The following ARHGAP42 variants were observed in gnomAD, a reference collection of about 807,000 sequenced individuals.
ARHGAP42 encodes the protein rho GTPase-activating protein 42.
A neutral mutation model predicts 125.0 loss-of-function variants in ARHGAP42; 63 were observed. The ratio of observed to expected loss-of-function variants is 0.50; its 90% CI spans 0.41 to 0.62. ARHGAP42 has a LOEUF of 0.62. ARHGAP42 is among the 20% of genes least tolerant of loss of function. The probability of loss-of-function intolerance (pLI) is 0.00; values close to 1 mark genes in which losing one functional copy is unlikely to be tolerated. For missense variants in ARHGAP42, 766 were observed against 1,024.2 expected (o/e 0.75, Z 3.44); for synonymous variants, 339 against 351.0 (o/e 0.97, Z 0.38).
At chr11:100,800,009 G>A (rs747096535) in intron 3 of ARHGAP42, among the ~76,000 whole-genome samples, 9 of 152,194 alleles carry the variant, frequency 5.9e-5, no homozygotes, top group Admixed American at 5.9e-4. Flanking sequence ...TTATTCAAAA[G>A]AGAAGTAAGG....
At chr11:100,984,643 G>A (rs1691584357) in intron 22 of ARHGAP42, among the ~76,000 whole-genome samples, 1 of 151,796 alleles carries the variant, frequency 6.6e-6, no homozygotes, top group African/African-American at 2.4e-5. Context: ...TGCATTAGAC[G>A]GCATTTAGAA....
intron 3 of ARHGAP42, among the ~76,000 whole-genome samples, chr11:100,832,633 C>T (rs1230921398): frequency 6.6e-6 from 1 of 152,134 alleles, no homozygotes; most frequent in African/African-American, 2.4e-5. Flanking sequence ...AAATGTCAGA[C>T]AAACTTACAG....
At chr11:100,779,068 C>G (rs1216971372) in intron 2 of ARHGAP42, among the ~76,000 whole-genome samples, 1 of 152,038 alleles carries the variant, frequency 6.6e-6, no homozygotes, top group Non-Finnish European at 1.5e-5. Flanking sequence ...GTAGAGTGAA[C>G]AACCACAGCT....
chr11:100,760,516 T>C (rs541864366), intron 1 of ARHGAP42, among the ~76,000 whole-genome samples: 2 of 152,094 alleles, frequency 1.3e-5, no homozygotes, highest in African/African-American at 2.4e-5. Flanking sequence ...CTAGCCAACA[T>C]GGTGAAACCC....
chr11:100,737,416 ATT>A (rs562880231), intron 1 of ARHGAP42, among the ~76,000 whole-genome samples: 49 of 152,206 alleles, frequency 3.2e-4, no homozygotes, highest in African/African-American at 8.2e-4. Context: ...CCTGTGAGTG[ATT>A]TTTATGTTTC....
chr11:100,801,930 C>T (rs752812763), intron 3 of ARHGAP42, among the ~76,000 whole-genome samples: 1 of 152,008 alleles, frequency 6.6e-6, no homozygotes, highest in African/African-American at 2.4e-5. Context: ...GATCTGGTAT[C>T]GATTATTGAT....
At chr11:100,768,846 A>C (rs1334693977) in intron 1 of ARHGAP42, among the ~76,000 whole-genome samples, 2 of 152,232 alleles carry the variant, frequency 1.3e-5, no homozygotes, top group African/African-American at 2.4e-5. Context: ...CAATTCTATA[A>C]GGTGGTTATA....
At chr11:100,931,707 T>C (rs535314344) in intron 6 of ARHGAP42, among the ~76,000 whole-genome samples, 1 of 152,312 alleles carries the variant, frequency 6.6e-6, no homozygotes, top group Admixed American at 6.5e-5. Flanking sequence ...ACTACTGTTT[T>C]ATATATTTCA....
At chr11:100,908,245 G>A (rs558951694) in intron 4 of ARHGAP42, among the ~76,000 whole-genome samples, 94 of 152,310 alleles carry the variant, frequency 6.2e-4, no homozygotes, top group African/African-American at 2.1e-3. Flanking sequence ...GTGTGGTAAA[G>A]TTTGTTCTTC....
intron 1 of ARHGAP42, among the ~76,000 whole-genome samples, chr11:100,702,907 C>T (rs961670566): frequency 1.3e-5 from 2 of 151,634 alleles, no homozygotes; most frequent in African/African-American, 4.9e-5. Context: ...GGTGATCCGC[C>T]CACCTCGGCC....
At chr11:100,944,044 A>G (rs977812188) in intron 10 of ARHGAP42, among the ~76,000 whole-genome samples, 176 bp downstream of exon 10, 1 of 152,118 alleles carries the variant, frequency 6.6e-6, no homozygotes, top group African/African-American at 2.4e-5. Flanking sequence ...AAAGCAAATC[A>G]GATCCATGAT....
intron 4 of ARHGAP42, among the ~76,000 whole-genome samples, chr11:100,882,058 C>T (rs1419285018): frequency 2.0e-5 from 3 of 152,192 alleles, no homozygotes. Context: ...TTGACCTCCT[C>T]TTTACTAATT....
chr11:100,830,947 G>A (rs1864650011), intron 3 of ARHGAP42, among the ~76,000 whole-genome samples: 1 of 152,074 alleles, frequency 6.6e-6, no homozygotes, highest in Non-Finnish European at 1.5e-5. Flanking sequence ...AATACCGTGA[G>A]TAATGTACGG....
chr11:100,925,164 A>C (rs1867386233), intron 6 of ARHGAP42, among the ~76,000 whole-genome samples: 1 of 151,962 alleles, frequency 6.6e-6, no homozygotes, highest in Non-Finnish European at 1.5e-5. Flanking sequence ...GTTCTCTATA[A>C]GCCATCTTTT....
intron 17 of ARHGAP42, 120 bp from the exon 18 acceptor site, chr11:100,973,055 A>G: frequency 1.1e-6 from 1 of 871,170 alleles, no homozygotes; most frequent in South Asian, 2.2e-5. Flanking sequence ...GGCTAAAAGT[A>G]GGACAATTTC....
intron 1 of ARHGAP42, among the ~76,000 whole-genome samples, chr11:100,744,031 C>T (rs912215511): frequency 6.6e-6 from 1 of 152,186 alleles, no homozygotes; most frequent in Non-Finnish European, 1.5e-5. Flanking sequence ...AGTGCAATGG[C>T]ATGATCTTGG....
At position 100,952,251 on chromosome 11, in the gene ARHGAP42, TAATTA is replaced by T. The variant is rs1472501404; in HGVS notation, c.1162+2296_1162+2300del. Among the ~76,000 whole-genome samples, 10 of 152,160 alleles carry T rather than the reference TAATTA, an allele frequency of 6.6e-5. No homozygotes were observed. The East Asian group carries it at 1.9e-3, about 29-fold the overall frequency. ...GACAGAATTCTCCCATTTGTACATT[TAATTA>T]GTAAAGTTTCCTTAAGACATATCAA... On this transcript the variant is annotated intron_variant, in intron 12 of 23. Coordinates refer to ENST00000298815, the MANE Select transcript of ARHGAP42 (RefSeq NM_152432.4).
chr11:100,931,377 AG>A, intron 6 of ARHGAP42, among the ~76,000 whole-genome samples: 1 of 152,218 alleles, frequency 6.6e-6, no homozygotes, highest in East Asian at 1.9e-4. Context: ...TTCTAGGTGT[AG>A]TTCTGAATGG....
intron 2 of ARHGAP42, among the ~76,000 whole-genome samples, chr11:100,785,361 C>T (rs527654468): frequency 3.3e-5 from 5 of 152,188 alleles, no homozygotes; most frequent in African/African-American, 4.8e-5. Flanking sequence ...GGTAGAAAGA[C>T]GAGAATTCTT....
Sources: gnomAD v4.1 joint callset for allele counts (sites outside exome capture counted in the v4.1 genomes callset) on GRCh38, gnomAD v4.1.1 for gene constraint, MANE v1.5 for transcripts, NCBI Gene and HGNC (gene_info 2026-07-23, HGNC 2026-07-21) for gene names.